SMAD2: variants seen among roughly 807,000 people sequenced by gnomAD.
The protein encoded by SMAD2 is SMAD family member 2.
A neutral mutation model predicts 64.4 loss-of-function variants in SMAD2; 8 were observed. That is an observed-to-expected ratio of 0.12 (90% CI 0.07 to 0.22). The LOEUF is 0.22. SMAD2 is among the 10% of genes least tolerant of loss of function. The pLI, the probability that SMAD2 is intolerant of heterozygous loss-of-function variation, is 1.00. For missense variants in SMAD2, 289 were observed against 561.2 expected (o/e 0.51, Z 4.90); for synonymous variants, 203 against 195.8 (o/e 1.04, Z -0.31).
chr18:47,892,334 G>T (rs889536331), intron 2 of SMAD2, among the ~76,000 whole-genome samples: 1 of 151,944 alleles, frequency 6.6e-6, no homozygotes, highest in African/African-American at 2.4e-5. Flanking sequence ...CGAGTAGCTG[G>T]GATTACAGGC....
At chr18:47,883,547 A>AT (rs1162809317) in intron 2 of SMAD2, among the ~76,000 whole-genome samples, 6 of 152,102 alleles carry the variant, frequency 3.9e-5, no homozygotes, top group Non-Finnish European at 7.4e-5. Context: ...GTCTTTACTG[A>AT]TTTTTTTGTT....
intron 1 of SMAD2, among the ~76,000 whole-genome samples, chr18:47,914,673 C>A (rs200451316): frequency 2.0e-5 from 3 of 151,624 alleles, no homozygotes. Flanking sequence ...CAAATTCCTA[C>A]TAAAGGTCTG....
chr18:47,857,332 TTTC>T (rs146733198), intron 6 of SMAD2, among the ~76,000 whole-genome samples: 10,945 of 152,254 alleles, frequency 0.072, 506 homozygotes, highest in Middle Eastern at 0.12. Context: ...CATTTTTTCA[TTTC>T]TTGTTTTAAA....
In SMAD2 at chr18:47,841,941, C is replaced by T. The variant is rs148531026; in HGVS notation, c.1290G>A (p.Thr430=). The change falls in exon 11 of 11, where the codon ACG becomes ACA. Residue 430 remains threonine (T), a synonymous_variant. Transcript: ENST00000262160. Reference sequence around the variant, plus strand: ...CAATCCAGCAAGGAGTACTTGTTACCGTCTGCCTTCTGTTTAAAAGAATAC... The same window carrying T: ...CAATCCAGCAAGGAGTACTTGTTACTGTCTGCCTTCTGTTTAAAAGAATAC... ...KGWGAEYRRQ[T]VTSTPCWIEL... The T allele has an allele frequency of 2.0e-5, 32 of 1,613,972 alleles. No homozygotes were observed. The East Asian group carries it at 2.7e-4, about 13-fold the overall frequency.
At position 47,909,202 on chromosome 18, in the gene SMAD2, C is replaced by T. The variant is rs918988126; in HGVS notation, c.-53-12393G>A. ...CAGGTTTTATGTAGGTACAGGATTG[C>T]TATAAAGAAAGGCGTACCTATAGAC... On this transcript the variant is annotated intron_variant, in intron 1 of 10. Coordinates refer to ENST00000262160, the MANE Select transcript of SMAD2 (RefSeq NM_005901.6). Among the ~76,000 whole-genome samples, 27 of 152,156 alleles carry T rather than the reference C, an allele frequency of 1.8e-4. 1 individual carries two copies. The South Asian group carries it at 3.1e-3, about 18-fold the overall frequency.
At chr18:47,881,660 T>G (rs2032597627) in intron 2 of SMAD2, among the ~76,000 whole-genome samples, 2 of 152,304 alleles carry the variant, frequency 1.3e-5, no homozygotes, top group Admixed American at 6.5e-5. Context: ...CCCTGTCTTG[T>G]TCTTGAGGGA....
At position 47,830,652 on chromosome 18, in the gene SMAD2, C is replaced by G. The variant is rs763666345; in HGVS notation, c.*11175G>C. 3.3e-5 allele frequency: 5 copies of G among 151,684 alleles called. No individual in the cohort carries two copies. Among genetic ancestry groups the G allele is most frequent in the Non-Finnish European group, 7.3e-5 (5 of 68,032 alleles). 9.4% of individuals were successfully genotyped at this position (151,684 alleles called of 1,614,324 possible). ...GGCAAACCATTTAGAAGTGAGTCAT[C>G]ATTTGTATTAAAATCTTATTTACAT... On this transcript the variant is annotated 3_prime_UTR_variant, in exon 11 of 11. Transcript: ENST00000262160.
intron 1 of SMAD2, among the ~76,000 whole-genome samples, chr18:47,919,619 G>A (rs936205278): frequency 6.6e-6 from 1 of 152,096 alleles, no homozygotes; most frequent in Non-Finnish European, 1.5e-5. Flanking sequence ...TAGGTGTAGA[G>A]GCAACCAGTG....
At position 47,885,132 on chromosome 18, in the gene SMAD2, T is replaced by TATAC. The variant is rs1399778516; in HGVS notation, c.236+11388_236+11389insGTAT. Among the ~76,000 whole-genome samples the TATAC allele has an allele frequency of 8.3e-3, 1,182 of 142,118 alleles. 3 individuals carry two copies. The highest frequency in any genetic ancestry group is 0.011 in the Non-Finnish European group (727 of 65,712). 93.2% of individuals were successfully genotyped at this position (142,118 alleles called of 152,430 possible). On this transcript the variant is annotated intron_variant, in intron 2 of 10. Transcript: ENST00000262160. ...TATCGATTTTCTAGATTTAGTCATA[T>TATAC]ACACACACACACACACACACACACA...
chr18:47,896,919 A>ATTCAT (rs2033462319), intron 1 of SMAD2, 110 bp from the exon 2 acceptor site: 1 of 1,008,226 alleles, frequency 9.9e-7, no homozygotes, highest in Non-Finnish European at 1.5e-6. Context: ...TCGAATTATG[A>ATTCAT]CTTTCCCAAT....
In SMAD2 at chr18:47,813,723, T is replaced by C. The variant is rs1423074163; in HGVS notation, c.*28104A>G. ...ACCCGGCCCCACAATTTTTTTTTTT[T>C]TTTTTTTTTGGAGAGATGGGATCTT... On this transcript the variant is annotated 3_prime_UTR_variant, in exon 11 of 11. Coordinates refer to ENST00000262160, the MANE Select transcript of SMAD2 (RefSeq NM_005901.6). 7.0e-6 allele frequency: 1 copy of C among 143,392 alleles called. No homozygotes were observed. Among genetic ancestry groups the C allele is most frequent in the Non-Finnish European group, 1.5e-5 (1 of 66,002 alleles). 8.9% of individuals were successfully genotyped at this position (143,392 alleles called of 1,614,324 possible).
intron 2 of SMAD2, among the ~76,000 whole-genome samples, chr18:47,873,522 A>G (rs2032071668): frequency 6.6e-6 from 1 of 152,210 alleles, no homozygotes; most frequent in African/African-American, 2.4e-5. Context: ...GACCTGTCCT[A>G]CCAGATTCTG....
chr18:47,906,234 C>G (rs2033898544), intron 1 of SMAD2, among the ~76,000 whole-genome samples: 1 of 151,800 alleles, frequency 6.6e-6, no homozygotes. Flanking sequence ...AACATGACAC[C>G]CCCAAAAAAA....
intron 1 of SMAD2, among the ~76,000 whole-genome samples, chr18:47,904,321 C>T (rs2033817672): frequency 6.6e-6 from 1 of 151,056 alleles, no homozygotes; most frequent in Non-Finnish European, 1.5e-5. Flanking sequence ...GCAAAGATCC[C>T]CTGCCTCAAA....
In SMAD2 at chr18:47,826,885, C is replaced by T. The variant is rs1439587795; in HGVS notation, c.*14942G>A. The T allele has an allele frequency of 6.6e-6, 1 of 152,208 alleles. No homozygotes were observed. The highest frequency in any genetic ancestry group is 1.5e-5 in the Non-Finnish European group (1 of 68,048). 9.4% of individuals were successfully genotyped at this position (152,208 alleles called of 1,614,324 possible). A position where few individuals can be genotyped will look rare whatever the true frequency, so the allele number is the denominator to read the frequency against. On this transcript the variant is annotated 3_prime_UTR_variant, in exon 11 of 11. Transcript: ENST00000262160. The stretch of plus-strand genomic sequence containing the variant: ...GAGTACCCACTTCAGGCTGAATGAT[C>T]TCTCAAGTGCTCTCATTTAGTTCTC...
intron 6 of SMAD2, among the ~76,000 whole-genome samples, chr18:47,858,425 G>A (rs2030902275): frequency 1.3e-5 from 2 of 152,120 alleles, no homozygotes; most frequent in Admixed American, 1.3e-4. Context: ...TAAAACAACT[G>A]AAAGAAATGT....
chr18:47,880,125 T>C (rs2032500026), intron 2 of SMAD2, among the ~76,000 whole-genome samples: 1 of 152,232 alleles, frequency 6.6e-6, no homozygotes, highest in Admixed American at 6.5e-5. Flanking sequence ...TTTTTAACAA[T>C]GTATTTTAAT....
chr18:47,860,783 G>A (rs535118351), intron 6 of SMAD2, among the ~76,000 whole-genome samples: 1 of 152,062 alleles, frequency 6.6e-6, no homozygotes, highest in African/African-American at 2.4e-5. Flanking sequence ...GAAACTATAT[G>A]ATCCTCTTTA....
At chr18:47,925,217 G>T (rs188072425) in intron 1 of SMAD2, among the ~76,000 whole-genome samples, 17 of 152,266 alleles carry the variant, frequency 1.1e-4, no homozygotes, top group African/African-American at 4.1e-4. Context: ...ACCAGATTTT[G>T]AAAAATGACA....
Sources: gnomAD v4.1 joint callset for allele counts (sites outside exome capture counted in the v4.1 genomes callset) on GRCh38, gnomAD v4.1.1 for gene constraint, MANE v1.5 for transcripts, NCBI Gene and HGNC (gene_info 2026-07-23, HGNC 2026-07-21) for gene names.